Variants in DENND1B observed in about 807,000 individuals in gnomAD.
DENND1B encodes the protein DENN domain-containing protein 1B.
A neutral mutation model predicts 90.1 loss-of-function variants in DENND1B; 59 were observed. The observed-to-expected ratio is 0.65, with a 90% CI of 0.53 to 0.81. DENND1B has a LOEUF of 0.81. DENND1B is among the 40% of genes least tolerant of loss of function. DENND1B has a pLI of 0.00. For synonymous variants in DENND1B, 337 were observed against 324.6 expected (o/e 1.04, Z -0.41); for missense variants, 862 against 912.6 (o/e 0.94, Z 0.71).
chr1:197,680,515 A>G (rs889769873), intron 3 of DENND1B, among the ~76,000 whole-genome samples: 1 of 152,220 alleles, frequency 6.6e-6, no homozygotes, highest in Non-Finnish European at 1.5e-5. Context: ...ATCAGTTACC[A>G]TGACTCCAAC....
intron 2 of DENND1B, among the ~76,000 whole-genome samples, chr1:197,751,627 T>A (rs1013722300): frequency 1.3e-5 from 2 of 152,014 alleles, no homozygotes; most frequent in African/African-American, 4.8e-5. Context: ...GTGGATCACT[T>A]GAGGTCAGGA....
At chr1:197,770,914 ATTTT>A (rs113477593) in intron 2 of DENND1B, among the ~76,000 whole-genome samples, 3 of 136,400 alleles carry the variant, frequency 2.2e-5, no homozygotes, top group Middle Eastern at 3.4e-3. Context: ...ATCTATATAG[ATTTT>A]TTTTTTTTTT....
At chr1:197,730,917 T>C (rs1043927755) in intron 2 of DENND1B, among the ~76,000 whole-genome samples, 4 of 152,080 alleles carry the variant, frequency 2.6e-5, no homozygotes, top group African/African-American at 9.7e-5. Flanking sequence ...CTGAATTTTA[T>C]AGGCACACTA....
intron 16 of DENND1B, chr1:197,552,521 AATGC>A: frequency 1.0e-6 from 1 of 985,506 alleles, no homozygotes; most frequent in Non-Finnish European, 1.2e-6. Context: ...AAACTTTCTT[AATGC>A]TGCAGTGATC....
Position 197,537,189 on chromosome 1 carries a change from T to TA in DENND1B, c.1515+2774dup, listed in dbSNP as rs544451142. On this transcript the variant is annotated intron_variant, in intron 20 of 22. Coordinates refer to ENST00000620048, the MANE Select transcript of DENND1B (RefSeq NM_001195215.2). ...TTATCATTTGAAAACTAAAGATTGTTATTCAGATATTATCAACATTTGCAT... is the reference window on the plus strand; with the variant it reads ...TTATCATTTGAAAACTAAAGATTGTTAATTCAGATATTATCAACATTTGCAT... Among the ~76,000 whole-genome samples the TA allele has an allele frequency of 1.3e-4, 20 of 152,312 alleles. No homozygotes were observed. The South Asian group carries it at 4.1e-3, about 32-fold the overall frequency.
chr1:197,759,566 G>A (rs945142448), intron 2 of DENND1B, among the ~76,000 whole-genome samples: 7 of 150,930 alleles, frequency 4.6e-5, no homozygotes, highest in African/African-American at 1.2e-4. Context: ...GTGAAACTCC[G>A]TCTCTACTAA....
intron 3 of DENND1B, chr1:197,689,860 A>G (rs1012631213): frequency 4.6e-5 from 7 of 152,946 alleles, no homozygotes; most frequent in African/African-American, 1.4e-4. Context: ...TGGTGACAAT[A>G]TGCTGGAGTC....
Position 197,768,630 on chromosome 1 carries a change from G to A in DENND1B, c.82+4238C>T, listed in dbSNP as rs76200455. On this transcript the variant is annotated intron_variant, in intron 2 of 22. Transcript: ENST00000620048. The stretch of plus-strand genomic sequence containing the variant: ...ATCTAAATTTTGGCACTTCACTTTT[G>A]GACAGCTGGAGCAGAAGTTACTGGG... Among the ~76,000 whole-genome samples the A allele has an allele frequency of 9.9e-5, 15 of 151,970 alleles. No individual in the cohort carries two copies. The East Asian group carries it at 2.9e-3, about 29-fold the overall frequency.
chr1:197,699,337 AAGGCCTTTGATAAAATTT>A (rs1383063025), intron 3 of DENND1B, among the ~76,000 whole-genome samples: 5 of 152,226 alleles, frequency 3.3e-5, no homozygotes, highest in African/African-American at 1.2e-4. Context: ...AGATGCAGAA[AAGGCCTTTGATAAAATTT>A]GACATCCCTT....
At chr1:197,733,395 T>C (rs1028036340) in intron 2 of DENND1B, among the ~76,000 whole-genome samples, 4 of 152,234 alleles carry the variant, frequency 2.6e-5, no homozygotes, top group Non-Finnish European at 4.4e-5. Context: ...CTCCTGTTAT[T>C]CTTCTACCTT....
intron 3 of DENND1B, among the ~76,000 whole-genome samples, chr1:197,690,954 C>T (rs947760737): frequency 1.3e-5 from 2 of 151,584 alleles, no homozygotes; most frequent in African/African-American, 2.4e-5. Flanking sequence ...AAACATAAGA[C>T]GTGAAAAGTG....
chr1:197,584,323 G>C (rs1217516362), intron 14 of DENND1B, among the ~76,000 whole-genome samples: 1 of 152,108 alleles, frequency 6.6e-6, no homozygotes, highest in Admixed American at 6.6e-5. Context: ...CTATAGAACT[G>C]TACTGTCACA....
At chr1:197,723,258 C>G (rs1661341730) in intron 2 of DENND1B, among the ~76,000 whole-genome samples, 1 of 152,144 alleles carries the variant, frequency 6.6e-6, no homozygotes, top group African/African-American at 2.4e-5. Flanking sequence ...CCTCATCAAT[C>G]TCCTGATAGA....
chr1:197,761,921 A>G (rs904436776), intron 2 of DENND1B: 1 of 152,090 alleles, frequency 6.6e-6, no homozygotes, highest in Non-Finnish European at 1.5e-5. Flanking sequence ...AAAAAAAAAA[A>G]AAGTTTTTTT....
chr1:197,518,835 T>C (rs1461611631), intron 20 of DENND1B, among the ~76,000 whole-genome samples: 1 of 151,804 alleles, frequency 6.6e-6, no homozygotes, highest in Non-Finnish European at 1.5e-5. Flanking sequence ...TGAACACAAG[T>C]GGGGAGACTG....
At chr1:197,624,089 C>T (rs972263507) in intron 10 of DENND1B, among the ~76,000 whole-genome samples, 5 of 151,424 alleles carry the variant, frequency 3.3e-5, no homozygotes, top group Non-Finnish European at 4.4e-5. Context: ...AAGTTTCTAT[C>T]GAGAAGCAAA....
chr1:197,713,944 C>CATATAAT (rs1660354752), intron 3 of DENND1B, among the ~76,000 whole-genome samples: 1 of 32,966 alleles, frequency 3.0e-5, no homozygotes, highest in Non-Finnish European at 8.0e-5. Context: ...ATATTATATA[C>CATATAAT]ATATACACCA....
chr1:197,689,318 T>G lies in DENND1B; in HGVS notation c.127-15149A>C, dbSNP rs1439757837. The G allele has an allele frequency of 2.6e-5, 4 of 152,022 alleles. No homozygotes were observed. The East Asian group carries it at 7.7e-4, about 29-fold the overall frequency. The allele number at this position is 152,022 out of a possible 1,614,324, so 9.4% of individuals were successfully genotyped here. On this transcript the variant is annotated intron_variant, in intron 3 of 22. Transcript: ENST00000620048. ...AACCATCAAATCTCGTGAGACTTAC[T>G]CACTACCATGAACACAGTATGGGGG...
At chr1:197,517,496 T>G (rs1282357049) in intron 20 of DENND1B, among the ~76,000 whole-genome samples, 1 of 151,848 alleles carries the variant, frequency 6.6e-6, no homozygotes, top group Non-Finnish European at 1.5e-5. Context: ...ACTTTTCTCT[T>G]ACATTTATCC....
Sources: gnomAD v4.1 joint callset for allele counts (sites outside exome capture counted in the v4.1 genomes callset) on GRCh38, gnomAD v4.1.1 for gene constraint, MANE v1.5 for transcripts, NCBI Gene and HGNC (gene_info 2026-07-23, HGNC 2026-07-21) for gene names.